Variants in RBBP6 observed in about 807,000 individuals in gnomAD.
RBBP6 encodes RB binding protein 6, ubiquitin ligase.
Under a neutral mutation model 167.7 loss-of-function variants are expected in RBBP6, and 25 were observed. That is an observed-to-expected ratio of 0.15 (90% CI 0.11 to 0.21). The LOEUF (loss-of-function observed/expected upper bound fraction) is 0.21, where lower values mean the gene tolerates loss of function less well. Ranked by LOEUF, RBBP6 falls within the 10% of genes least tolerant of loss-of-function variation. The pLI, the probability that RBBP6 is intolerant of heterozygous loss-of-function variation, is 1.00. For missense variants in RBBP6, 1,868 were observed against 2,134.2 expected (o/e 0.88, Z 2.46); for synonymous variants, 789 against 735.8 (o/e 1.07, Z -1.17).
At chr16:24,555,582 A>G in intron 4 of RBBP6, 33 bp from the exon 5 acceptor site, 1 of 1,523,942 alleles carries the variant, frequency 6.6e-7, no homozygotes, top group Non-Finnish European at 9.0e-7. Flanking sequence ...ATGTGTTTCT[A>G]ATGTGTGTGT....
At chr16:24,547,286 CAT>C (rs1174337376) in intron 2 of RBBP6, among the ~76,000 whole-genome samples, 1 of 152,104 alleles carries the variant, frequency 6.6e-6, no homozygotes, top group Non-Finnish European at 1.5e-5. Context: ...AGTTATATTC[CAT>C]ATCTTAACAC....
In RBBP6 at chr16:24,569,169, T is replaced by C; in HGVS notation, c.2479T>C (p.Tyr827His). The change falls in exon 17 of 18, where the codon TAC (tyrosine) becomes CAC (histidine). Residue 827 changes from tyrosine (Y) to histidine (H), a missense_variant. Tyr to His is a moderately conservative substitution (Grantham distance 83). Around this residue, in one of 7 missense-constraint regions of RBBP6, gnomAD observed 673 missense variants for 691.5 expected, o/e 0.97. Coordinates refer to ENST00000319715, the MANE Select transcript of RBBP6 (RefSeq NM_006910.5). ...DFRDPFEKER[Y>H]REWERKYREW... is the part of the protein sequence containing the mutation. ...TAGAGACCCATTTGAAAAAGAACGCTACCGAGAATGGGAGAGAAAATATAG... is the reference window on the plus strand; with the variant it reads ...TAGAGACCCATTTGAAAAAGAACGCCACCGAGAATGGGAGAGAAAATATAG... 1 of 1,612,052 alleles carries C rather than the reference T, an allele frequency of 6.2e-7. No individual in the cohort carries two copies. Among genetic ancestry groups the C allele is most frequent in the Non-Finnish European group, 8.5e-7 (1 of 1,179,454 alleles).
At position 24,556,139 on chromosome 16, in the gene RBBP6, T is replaced by C. The variant is rs1898907238; in HGVS notation, c.535-169T>C. 4.6e-5 allele frequency among the ~76,000 whole-genome samples: 7 copies of C among 152,196 alleles called. No homozygotes were observed. In the South Asian group the frequency reaches 1.2e-3, roughly 27 times the overall value. On this transcript the variant is annotated intron_variant, in intron 6 of 17. Coordinates refer to ENST00000319715, the MANE Select transcript of RBBP6 (RefSeq NM_006910.5). ...TAAGCCTGTTTTTTCTTCTCTAAAA[T>C]GGAGATAAAATAGTACGTACTTCAC... is the stretch of plus-strand genomic sequence containing the variant.
rs1899213288 is a variant in RBBP6 at position 24,567,126 on chromosome 16, G to T, written c.1590-17G>T. ...CTTTAGTTTGAAGAAGTAATATCTT[G>T]GAATTTATTTTTCCAGAAGTATAAA... On this transcript the variant is annotated splice_polypyrimidine_tract_variant and intron_variant, in intron 14 of 17. Coordinates refer to ENST00000319715, the MANE Select transcript of RBBP6 (RefSeq NM_006910.5). The T allele has an allele frequency of 1.3e-6, 2 of 1,600,006 alleles. No homozygotes were observed. The highest frequency in any genetic ancestry group is 1.3e-5 in the African/African-American group (1 of 74,446).
At chr16:24,567,107 T>C in intron 14 of RBBP6, 36 bp from the exon 15 acceptor site, 1 of 1,579,174 alleles carries the variant, frequency 6.3e-7, no homozygotes, top group Non-Finnish European at 8.6e-7. Context: ...ATGACTTTAG[T>C]TTGAAGAAGT....
chr16:24,567,074 A>G, intron 14 of RBBP6, 69 bp from the exon 15 acceptor site: 6 of 1,453,934 alleles, frequency 4.1e-6, no homozygotes, highest in Non-Finnish European at 5.6e-6. Context: ...TATGGATAGA[A>G]GAGATAAGCT....
chr16:24,551,896 T>A (rs879581588), intron 3 of RBBP6, among the ~76,000 whole-genome samples: 9 of 151,826 alleles, frequency 5.9e-5, no homozygotes, highest in Non-Finnish European at 1.2e-4. Flanking sequence ...CTGGTTGGTA[T>A]AAAATCTTTA....
chr16:24,540,132 G>A lies in RBBP6; in HGVS notation c.-495G>A, dbSNP rs1567268186. 6.5e-6 allele frequency: 1 copy of A among 153,578 alleles called. No homozygotes were observed. Among genetic ancestry groups the A allele is most frequent in the Non-Finnish European group, 1.5e-5 (1 of 68,784 alleles). 9.5% of individuals were successfully genotyped at this position (153,578 alleles called of 1,614,324 possible). On this transcript the variant is annotated 5_prime_UTR_variant, in exon 1 of 18. Coordinates refer to ENST00000319715, the MANE Select transcript of RBBP6 (RefSeq NM_006910.5). The stretch of plus-strand genomic sequence containing the variant: ...AGGAGGAGGCGTGAGGCCGCTCGTG[G>A]ACTCCGGGCCTAGGCCCTCTCCCCT...
intron 7 of RBBP6, among the ~76,000 whole-genome samples, chr16:24,558,260 A>G (rs1333430963): frequency 6.6e-6 from 1 of 152,218 alleles, no homozygotes; most frequent in African/African-American, 2.4e-5. Context: ...CACAGCAAAT[A>G]CTGGGGAAAG....
At chr16:24,552,597 TTTTTA>T (rs1898823031) in intron 3 of RBBP6, among the ~76,000 whole-genome samples, 4 of 151,992 alleles carry the variant, frequency 2.6e-5, no homozygotes, top group South Asian at 4.1e-4. Flanking sequence ...TACATTTTTA[TTTTTA>T]TTTTATTTTG....
Position 24,546,302 on chromosome 16 carries a change from T to C in RBBP6, c.266+40T>C, listed in dbSNP as rs779520892. The C allele has an allele frequency of 1.1e-5, 16 of 1,486,614 alleles. No individual in the cohort carries two copies. In the South Asian group the frequency reaches 2.0e-4, roughly 19 times the overall value. 92.1% of individuals were successfully genotyped at this position (1,486,614 alleles called of 1,614,324 possible). ...TCATGTATTTCTCAAAATAGACTTTTTTTAGTTTTTTTAATTTTGTGAGAA... is the reference window on the plus strand; with the variant it reads ...TCATGTATTTCTCAAAATAGACTTTCTTTAGTTTTTTTAATTTTGTGAGAA... On this transcript the variant is annotated intron_variant, in intron 2 of 17. Transcript: ENST00000319715.
At position 24,572,355 on chromosome 16, in the gene RBBP6, C is replaced by G; in HGVS notation, c.5289C>G (p.His1763Gln). 1 of 1,552,556 alleles carries G rather than the reference C, an allele frequency of 6.4e-7. No homozygotes were observed. The highest frequency in any genetic ancestry group is 8.7e-7 in the Non-Finnish European group (1 of 1,147,438). Residue 1763 changes from histidine to glutamine, a missense_variant, in exon 18 of 18, where the codon CAC (histidine) becomes CAG (glutamine). His to Gln is a conservative substitution (Grantham distance 24). Around this residue, in one of 7 missense-constraint regions of RBBP6, gnomAD observed 591 missense variants for 540.5 expected, o/e 1.09. Transcript: ENST00000319715. ...TEVELEKSQK[H>Q]KHKKKKSKKN... ...TGGAATTGGAAAAAAGCCAAAAACA[C>G]AAACACAAGAAAAAGAAGTCAAAGA...
At chr16:24,547,802 T>C (rs1368881563) in intron 2 of RBBP6, among the ~76,000 whole-genome samples, 2 of 152,208 alleles carry the variant, frequency 1.3e-5, no homozygotes, top group Non-Finnish European at 2.9e-5. Context: ...CAATCCAGTG[T>C]GAAATTTTAC....
chr16:24,571,581 A>G lies in RBBP6; in HGVS notation c.4515A>G (p.Lys1505=), dbSNP rs752629378. Residue 1505 remains lysine, a synonymous_variant, in exon 18 of 18, where the codon AAA becomes AAG. Coordinates refer to ENST00000319715, the MANE Select transcript of RBBP6 (RefSeq NM_006910.5). ...GAAAAGACTCTCCTTCTCGGAATAA[A>G]GATTCTGCATCTGGACAGAAAAATA... The part of the protein sequence containing the change: ...TRRKDSPSRN[K]DSASGQKNKP... 1.7e-5 allele frequency: 27 copies of G among 1,612,432 alleles called. No individual in the cohort carries two copies. In the Admixed American group the frequency reaches 4.4e-4, roughly 26 times the overall value.
At chr16:24,554,782 T>C (rs1401879209) in intron 4 of RBBP6, 1 of 151,762 alleles carries the variant, frequency 6.6e-6, no homozygotes, top group African/African-American at 2.4e-5. Context: ...TTTTTTGTTT[T>C]TTTAAACTAC....
intron 3 of RBBP6, 137 bp from the exon 4 acceptor site, chr16:24,553,375 AT>A: frequency 1.6e-6 from 1 of 635,722 alleles, no homozygotes; most frequent in Non-Finnish European, 2.7e-6. Flanking sequence ...GCTGAGCTAC[AT>A]TTTCAAGCTT....
At chr16:24,553,690 T>G in intron 4 of RBBP6, 133 bp downstream of exon 4, 1 of 523,372 alleles carries the variant, frequency 1.9e-6, no homozygotes, top group East Asian at 3.2e-5. Context: ...ATTACTATCC[T>G]GTAAAGAGTA....
intron 6 of RBBP6, 73 bp downstream of exon 6, chr16:24,555,990 T>A (rs1036717793): frequency 6.1e-5 from 83 of 1,353,896 alleles, no homozygotes; most frequent in Non-Finnish European, 8.3e-5. Flanking sequence ...TATCTTATTT[T>A]TCTTGGTTAA....
At chr16:24,546,125 C>G (rs767851559) in intron 1 of RBBP6, 38 bp from the exon 2 acceptor site, 29 of 1,541,434 alleles carry the variant, frequency 1.9e-5, no homozygotes, top group Non-Finnish European at 2.5e-5. Flanking sequence ...GCACTCAAAT[C>G]CCCAAATGGA....
Sources: gnomAD v4.1 joint callset for allele counts (sites outside exome capture counted in the v4.1 genomes callset) on GRCh38, gnomAD v4.1.1 for gene constraint, gnomAD v4.1.1 regional missense constraint, MANE v1.5 for transcripts, NCBI Gene and HGNC (gene_info 2026-07-23, HGNC 2026-07-21) for gene names.